The following EPHA3 variants were observed in gnomAD, a reference collection of about 807,000 sequenced individuals.
EPHA3 encodes ephrin type-A receptor 3.
Under a neutral mutation model 107.1 loss-of-function variants are expected in EPHA3, and 42 were observed. The observed-to-expected ratio is 0.39, with a 90% CI of 0.31 to 0.51. The LOEUF (loss-of-function observed/expected upper bound fraction) is 0.51, where lower values mean the gene tolerates loss of function less well. Ranked by LOEUF, EPHA3 falls within the 20% of genes least tolerant of loss-of-function variation. The pLI, the probability that EPHA3 is intolerant of heterozygous loss-of-function variation, is 0.78. For missense variants in EPHA3, 1,183 were observed against 1,211.2 expected, an observed-to-expected ratio of 0.98 and a Z score of 0.35; for synonymous variants, 461 against 424.8, an observed-to-expected ratio of 1.09 and a Z score of -1.05.
chr3:89,409,901 T>C (rs1418926449), intron 9 of EPHA3, among the ~76,000 whole-genome samples: 1 of 152,074 alleles, frequency 6.6e-6, no homozygotes, highest in Non-Finnish European at 1.5e-5. Context: ...CTCATGCTGG[T>C]AAAATGGAAA....
intron 11 of EPHA3, among the ~76,000 whole-genome samples, chr3:89,421,798 GA>G (rs1228502594): frequency 6.6e-6 from 1 of 151,196 alleles, no homozygotes; most frequent in Non-Finnish European, 1.5e-5. Flanking sequence ...ATTAAATATA[GA>G]TTATGGTAGA....
chr3:89,313,035 G>T (rs1165751639), intron 3 of EPHA3, among the ~76,000 whole-genome samples: 3 of 151,852 alleles, frequency 2.0e-5, no homozygotes, highest in African/African-American at 7.3e-5. Flanking sequence ...GAATTGTGTT[G>T]CAGTGAACGT....
chr3:89,302,262 A>G (rs1450069002), intron 3 of EPHA3, among the ~76,000 whole-genome samples: 2 of 152,158 alleles, frequency 1.3e-5, no homozygotes, highest in Non-Finnish European at 2.9e-5. Context: ...CATTTTTAGT[A>G]GTAACTAAGA....
chr3:89,432,711 G>A (rs560775324), intron 13 of EPHA3, among the ~76,000 whole-genome samples: 14 of 151,740 alleles, frequency 9.2e-5, no homozygotes, highest in South Asian at 8.3e-4. Context: ...TTAGCCTTTC[G>A]ATTTTTTTAA....
At chr3:89,192,796 T>C (rs1405526143) in intron 2 of EPHA3, among the ~76,000 whole-genome samples, 1 of 152,146 alleles carries the variant, frequency 6.6e-6, no homozygotes, top group East Asian at 1.9e-4. Context: ...TCTGGAGACA[T>C]GTAATATTAG....
intron 5 of EPHA3, among the ~76,000 whole-genome samples, chr3:89,345,160 A>G (rs1343250420): frequency 6.6e-6 from 1 of 151,080 alleles, no homozygotes; most frequent in Non-Finnish European, 1.5e-5. Flanking sequence ...GCCGCTTTCC[A>G]CTATTCTATA....
At chr3:89,369,310 C>T (rs1435535033) in intron 5 of EPHA3, among the ~76,000 whole-genome samples, 1 of 150,606 alleles carries the variant, frequency 6.6e-6, no homozygotes, top group Non-Finnish European at 1.5e-5. Context: ...AGATATAGAT[C>T]AATGGAACAG....
In EPHA3 at chr3:89,361,514, A is replaced by G. The variant is rs549935134; in HGVS notation, c.1306+19424A>G. On this transcript the variant is annotated intron_variant, in intron 5 of 16. Coordinates refer to ENST00000336596, the MANE Select transcript of EPHA3 (RefSeq NM_005233.6). ...GTCCCATTACATATTAGATACCTAGAACATACTTGCATTCTGAATGGCATT... is the reference window on the plus strand; with the variant it reads ...GTCCCATTACATATTAGATACCTAGGACATACTTGCATTCTGAATGGCATT... Among the ~76,000 whole-genome samples, 3 of 151,200 alleles carry G rather than the reference A, an allele frequency of 2.0e-5. No homozygotes were observed. In the South Asian group the frequency reaches 6.2e-4, roughly 31 times the overall value.
chr3:89,360,168 G>A (rs986337934), intron 5 of EPHA3, among the ~76,000 whole-genome samples: 1 of 150,462 alleles, frequency 6.6e-6, no homozygotes, highest in African/African-American at 2.4e-5. Context: ...TCATCCATAT[G>A]CCACCAGGAC....
At chr3:89,380,605 T>G (rs1171981479) in intron 5 of EPHA3, among the ~76,000 whole-genome samples, 2 of 151,848 alleles carry the variant, frequency 1.3e-5, no homozygotes, top group Non-Finnish European at 2.9e-5. Context: ...CAAGAGGAGG[T>G]AGTGCTAGAA....
chr3:89,109,807 C>T (rs1385840441), intron 1 of EPHA3, among the ~76,000 whole-genome samples: 2 of 151,950 alleles, frequency 1.3e-5, no homozygotes, highest in Non-Finnish European at 2.9e-5. Flanking sequence ...ATTTAATTTG[C>T]TTGGATGAAA....
At chr3:89,310,241 C>T (rs1025767273) in intron 3 of EPHA3, among the ~76,000 whole-genome samples, 1 of 151,838 alleles carries the variant, frequency 6.6e-6, no homozygotes, top group South Asian at 2.1e-4. Flanking sequence ...GCATAATAGT[C>T]CATGTGAGTA....
At chr3:89,320,281 T>A (rs895147031) in intron 3 of EPHA3, among the ~76,000 whole-genome samples, 2 of 151,978 alleles carry the variant, frequency 1.3e-5, no homozygotes, top group Non-Finnish European at 2.9e-5. Context: ...CTTCCTCTGG[T>A]GCAGCAGCAT....
intron 3 of EPHA3, among the ~76,000 whole-genome samples, chr3:89,246,775 T>C (rs1224891722): frequency 1.3e-5 from 2 of 152,242 alleles, no homozygotes; most frequent in Non-Finnish European, 1.5e-5. Flanking sequence ...TTTTCAGATA[T>C]TCATTGCTAA....
intron 3 of EPHA3, among the ~76,000 whole-genome samples, chr3:89,291,478 T>C (rs1265106038): frequency 1.3e-5 from 2 of 152,102 alleles, no homozygotes; most frequent in Non-Finnish European, 2.9e-5. Flanking sequence ...TATAGAGATA[T>C]AGATAAAGAA....
chr3:89,281,489 T>A (rs1316176894), intron 3 of EPHA3, among the ~76,000 whole-genome samples: 1 of 152,184 alleles, frequency 6.6e-6, no homozygotes, highest in Admixed American at 6.5e-5. Flanking sequence ...TTCTCCATTA[T>A]TGATACTGTG....
chr3:89,158,377 T>C (rs1165340802), intron 2 of EPHA3, among the ~76,000 whole-genome samples: 1 of 152,106 alleles, frequency 6.6e-6, no homozygotes, highest in Non-Finnish European at 1.5e-5. Context: ...CTCTTACTTC[T>C]CAATTAAGGT....
At chr3:89,378,449 C>T (rs1052432347) in intron 5 of EPHA3, among the ~76,000 whole-genome samples, 5 of 151,994 alleles carry the variant, frequency 3.3e-5, no homozygotes, top group East Asian at 1.9e-4. Context: ...AACTATTTTT[C>T]GTGTCAATTC....
rs1347060883 is a variant in EPHA3, at chr3:89,139,320, A to G, written c.153+12047A>G. Among the ~76,000 whole-genome samples, 8 of 151,874 alleles carry G rather than the reference A, an allele frequency of 5.3e-5. No individual in the cohort carries two copies. In the Admixed American group the frequency reaches 5.3e-4, roughly 10 times the overall value. ...TCATAGGTTTACTCAAAAGTCTTCA[A>G]TAGGATTTAAATCTTGTGGGTGATA... is the stretch of plus-strand genomic sequence containing the variant. On this transcript the variant is annotated intron_variant, in intron 2 of 16. Transcript: ENST00000336596.
Sources: allele counts gnomAD v4.1 joint callset (sites outside exome capture counted in the v4.1 genomes callset), GRCh38; gene constraint gnomAD v4.1.1; transcripts MANE v1.5; gene names NCBI Gene and HGNC (gene_info 2026-07-23, HGNC 2026-07-21).